Variants in EMP1 observed in about 807,000 individuals in gnomAD.
The protein encoded by EMP1 is epithelial membrane protein 1.
A neutral mutation model predicts 15.7 loss-of-function variants in EMP1; 5 were observed. The observed-to-expected ratio is 0.32, with a 90% CI of 0.17 to 0.67. The LOEUF is 0.67. EMP1 is among the 30% of genes least tolerant of loss of function. The pLI, the probability that EMP1 is intolerant of heterozygous loss-of-function variation, is 0.74. For synonymous variants in EMP1, 78 were observed against 76.7 expected (o/e 1.02, Z -0.09); for missense variants, 166 against 194.2 (o/e 0.85, Z 0.86).
Position 13,214,516 on chromosome 12 carries a change from TCTC to T in EMP1, c.317-15_317-13del, listed in dbSNP as rs1864195320. On this transcript the variant is annotated splice_polypyrimidine_tract_variant and intron_variant, in intron 4 of 4. Coordinates refer to ENST00000256951, the MANE Select transcript of EMP1 (RefSeq NM_001423.3). ...TAATGTAAGAAAACACACCGACAAA[TCTC>T]CTTTTCCCCTGCAGGGCTGTGCATT... 1 of 1,606,582 alleles carries T rather than the reference TCTC, an allele frequency of 6.2e-7. No individual in the cohort carries two copies. Among genetic ancestry groups the T allele is most frequent in the Non-Finnish European group, 8.5e-7 (1 of 1,175,612 alleles).
chr12:13,199,509 A>C (rs1864044799), intron 1 of EMP1: 1 of 152,244 alleles, frequency 6.6e-6, no homozygotes, highest in South Asian at 2.1e-4. Context: ...CATAACTGAA[A>C]CGTGGACACA....
chr12:13,203,588 T>TCC (rs374617410), intron 1 of EMP1, among the ~76,000 whole-genome samples: 57 of 152,326 alleles, frequency 3.7e-4, no homozygotes, highest in African/African-American at 1.3e-3. Context: ...AAAGCCCATT[T>TCC]CCCCGGCCCG....
intron 1 of EMP1, among the ~76,000 whole-genome samples, chr12:13,205,268 TA>T (rs1864101437): frequency 6.6e-6 from 1 of 152,226 alleles, no homozygotes; most frequent in African/African-American, 2.4e-5. Flanking sequence ...TTTAGAAATT[TA>T]AGACATTTTC....
Position 13,216,275 on chromosome 12 carries a change from A to G in EMP1, c.*1584A>G. On this transcript the variant is annotated 3_prime_UTR_variant, in exon 5 of 5. Coordinates refer to ENST00000256951, the MANE Select transcript of EMP1 (RefSeq NM_001423.3). Reference sequence around the variant, plus strand: ...CTTTCTCCTCATCCATTTCTTTTATACCTTTCCTTTTTGGGGAGTTGTTAT... The same window carrying G: ...CTTTCTCCTCATCCATTTCTTTTATGCCTTTCCTTTTTGGGGAGTTGTTAT... The G allele has an allele frequency of 1.5e-6, 1 of 664,516 alleles. No individual in the cohort carries two copies. Among genetic ancestry groups the G allele is most frequent in the Admixed American group, 2.3e-5 (1 of 43,712 alleles). 41.2% of individuals were successfully genotyped at this position (664,516 alleles called of 1,614,324 possible). A position where few individuals can be genotyped will look rare whatever the true frequency, so the allele number is the denominator to read the frequency against.
chr12:13,207,346 G>T (rs1220137251), intron 1 of EMP1, among the ~76,000 whole-genome samples: 3 of 152,110 alleles, frequency 2.0e-5, no homozygotes, highest in Non-Finnish European at 2.9e-5. Context: ...CTCCCTCAGG[G>T]TTATTTCTAC....
At chr12:13,202,000 G>A (rs1394620860) in intron 1 of EMP1, among the ~76,000 whole-genome samples, 2 of 150,878 alleles carry the variant, frequency 1.3e-5, no homozygotes, top group Non-Finnish European at 3.0e-5. Context: ...AGGAGGGAGG[G>A]AGGGAGGGCA....
At position 13,212,619 on chromosome 12, in the gene EMP1, C is replaced by T. The variant is rs118096190; in HGVS notation, c.79-860C>T. ...AGCTTCTTCAAAGTGTATTAATGAG[C>T]GCCAAAGCGCTGCGTATCTGTGAAT... On this transcript the variant is annotated intron_variant, in intron 2 of 4. Coordinates refer to ENST00000256951, the MANE Select transcript of EMP1 (RefSeq NM_001423.3). 3.9e-5 allele frequency among the ~76,000 whole-genome samples: 6 copies of T among 152,334 alleles called. No individual in the cohort carries two copies. In the East Asian group the frequency reaches 7.7e-4, roughly 20 times the overall value.
In EMP1 at chr12:13,196,843, CAG is replaced by C. The variant is rs960216073; in HGVS notation, c.-69_-68del. On this transcript the variant is annotated 5_prime_UTR_variant, in exon 1 of 5. Transcript: ENST00000256951. ...AGGGCTGCTGCCAGCACCTGCCACT[CAG>C]AGCGCCTCTGTCGCTGGGACCCTTC... 1 of 152,296 alleles carries C rather than the reference CAG, an allele frequency of 6.6e-6. No individual in the cohort carries two copies. The highest frequency in any genetic ancestry group is 2.4e-5 in the African/African-American group (1 of 41,452). The allele number at this position is 152,296 out of a possible 1,614,324, so 9.4% of individuals were successfully genotyped here.
chr12:13,201,541 A>T (rs1442305279), intron 1 of EMP1, among the ~76,000 whole-genome samples: 1 of 152,216 alleles, frequency 6.6e-6, no homozygotes, highest in African/African-American at 2.4e-5. Flanking sequence ...ATCTGTAAAA[A>T]TTGATAGAAA....
At chr12:13,210,664 G>A (rs1292995832) in intron 1 of EMP1, among the ~76,000 whole-genome samples, 7 of 152,208 alleles carry the variant, frequency 4.6e-5, no homozygotes, top group Admixed American at 4.6e-4. Context: ...CACATTTGGT[G>A]CTATCTCAAG....
rs779235341 is a variant in EMP1 at position 13,213,767 on chromosome 12, A to T, written c.262A>T (p.Thr88Ser). The T allele has an allele frequency of 1.9e-6, 3 of 1,613,948 alleles. No individual in the cohort carries two copies. Among genetic ancestry groups the T allele is most frequent in the Non-Finnish European group, 1.7e-6 (2 of 1,180,022 alleles). ...ALLVFVFQLF[T>S]MEKGNRFFLS... ...CCTGGTCTTCGTGTTCCAGCTCTTC[A>T]CCATGGAGAAGGGAAACCGGTTCTT... is the stretch of plus-strand genomic sequence containing the variant. The change falls in exon 4 of 5, where the codon ACC (threonine) becomes TCC (serine). Residue 88 changes from threonine to serine, a missense_variant. Transcript: ENST00000256951.
chr12:13,210,812 TG>T (rs1178725363), intron 1 of EMP1, among the ~76,000 whole-genome samples: 1 of 152,264 alleles, frequency 6.6e-6, no homozygotes, highest in African/African-American at 2.4e-5. Context: ...TAGTCTGAAA[TG>T]CTCAGTCACA....
chr12:13,197,075 T>C (rs936755723), intron 1 of EMP1, among the ~76,000 whole-genome samples: 14 of 152,130 alleles, frequency 9.2e-5, no homozygotes, highest in African/African-American at 2.4e-4. Context: ...TTCAGAAAAG[T>C]GTATTTTGAG....
In EMP1 at chr12:13,211,808, T is replaced by G. The variant is rs1026499119; in HGVS notation, c.78+220T>G. ...TAATCCTGCCAGAGCTGTAGGTGGT[T>G]AAGGGCTGGAGGATCTAGTGCAGCT... is the stretch of plus-strand genomic sequence containing the variant. On this transcript the variant is annotated intron_variant, in intron 2 of 4. Transcript: ENST00000256951. The surrounding 1 kb of genome is among the most constrained non-coding windows in gnomAD (Gnocchi z 4.7). The G allele has an allele frequency of 3.5e-6, 2 of 569,400 alleles. No homozygotes were observed. The highest frequency in any genetic ancestry group is 3.8e-5 in the African/African-American group (2 of 52,962). 35.3% of individuals were successfully genotyped at this position (569,400 alleles called of 1,614,324 possible).
chr12:13,208,449 C>T (rs1316220423), intron 1 of EMP1, among the ~76,000 whole-genome samples: 2 of 152,154 alleles, frequency 1.3e-5, no homozygotes, highest in Non-Finnish European at 2.9e-5. Context: ...GACTGGGTAA[C>T]TAGGGATGAT....
intron 1 of EMP1, among the ~76,000 whole-genome samples, chr12:13,200,134 T>TTGGGAGTTG (rs1864051315): frequency 2.0e-5 from 3 of 152,298 alleles, no homozygotes; most frequent in African/African-American, 7.2e-5. Flanking sequence ...TGTACATAGC[T>TTGGGAGTTG]GCCTAACACA....
chr12:13,214,170 G>C, intron 4 of EMP1: 1 of 601,884 alleles, frequency 1.7e-6, no homozygotes. Context: ...TCACTTAATT[G>C]TTGTTCTTTC....
rs2121169360 is a variant in EMP1 at position 13,218,437 on chromosome 12, T to G, written c.*3746T>G. ...TGTTTAAATGTATTTAAAGAAGAGC[T>G]AGATTTTGTGGGGGGAGAGAAGGGA... On this transcript the variant is annotated 3_prime_UTR_variant, in exon 5 of 5. Transcript: ENST00000256951. 6.6e-6 allele frequency: 1 copy of G among 152,252 alleles called. No individual in the cohort carries two copies. Among genetic ancestry groups the G allele is most frequent in the Non-Finnish European group, 1.5e-5 (1 of 68,022 alleles). The allele number at this position is 152,252 out of a possible 1,614,324, so 9.4% of individuals were successfully genotyped here.
intron 1 of EMP1, chr12:13,199,544 T>G (rs1864044997): frequency 6.6e-6 from 1 of 152,268 alleles, no homozygotes; most frequent in Admixed American, 6.5e-5. Context: ...GCAAGTCAGT[T>G]CCATTTCATC....
Sources: allele counts gnomAD v4.1 joint callset (sites outside exome capture counted in the v4.1 genomes callset), GRCh38; gene constraint gnomAD v4.1.1; non-coding constraint Gnocchi (gnomAD v3.1); transcripts MANE v1.5; gene names NCBI Gene and HGNC (gene_info 2026-07-23, HGNC 2026-07-21).